The following STAT1 variants were observed in gnomAD, a reference collection of about 807,000 sequenced individuals.
STAT1 encodes the protein signal transducer and activator of transcription 1-alpha/beta.
STAT1 carries 24 observed loss-of-function variants against 111.7 expected under a neutral mutation model. The ratio of observed to expected loss-of-function variants is 0.21; its 90% CI spans 0.16 to 0.30. The LOEUF (loss-of-function observed/expected upper bound fraction) is 0.30. Among genes scored for constraint, STAT1 ranks in the 10% least tolerant of loss-of-function variants. The pLI, the probability that STAT1 is intolerant of heterozygous loss-of-function variation, is 1.00. For missense variants in STAT1, 351 were observed against 911.9 expected, an observed-to-expected ratio of 0.38 and a Z score of 7.92; for synonymous variants, 332 against 326.5, an observed-to-expected ratio of 1.02 and a Z score of -0.18.
At position 190,974,981 on chromosome 2, in the gene STAT1, A is replaced by G. The variant is rs761526800; in HGVS notation, c.2136-49T>C. ...GCAATGTCAACATCTGAGTGATGAA[A>G]GCACTAGTGCATACTTACACACTTT... On this transcript the variant is annotated intron_variant, in intron 23 of 24. Coordinates refer to ENST00000361099, the MANE Select transcript of STAT1 (RefSeq NM_007315.4). The surrounding 1 kb of genome is among the most constrained non-coding windows in gnomAD (Gnocchi z 4.8). The G allele has an allele frequency of 1.4e-5, 19 of 1,317,854 alleles. No homozygotes were observed. The East Asian group carries it at 4.4e-4, about 30-fold the overall frequency. The allele number at this position is 1,317,854 out of a possible 1,614,324, so 81.6% of individuals were successfully genotyped here.
At position 190,985,730 on chromosome 2, in the gene STAT1, G is replaced by C. The variant is rs1183652252; in HGVS notation, c.1222-70C>G. 6 of 1,498,110 alleles carry C rather than the reference G, an allele frequency of 4.0e-6. No individual in the cohort carries two copies. In the East Asian group the frequency reaches 1.4e-4, roughly 34 times the overall value. The allele number at this position is 1,498,110 out of a possible 1,614,324, so 92.8% of individuals were successfully genotyped here. On this transcript the variant is annotated intron_variant, in intron 14 of 24. Transcript: ENST00000361099. ...AAAGTTGCTATCTTCATTTACAAATGAGAACAAAGTTAGGACTAGAAAGAA... is the reference window on the plus strand; with the variant it reads ...AAAGTTGCTATCTTCATTTACAAATCAGAACAAAGTTAGGACTAGAAAGAA...
rs1185252170 is a variant in STAT1 at position 190,980,469 on chromosome 2, A to G, written c.1632+151T>C. ...CGGAGACCAACCTCCTGCACTGAAGAAAAGTAAACAACTTGCCCGAGGGGC... is the reference window on the plus strand; with the variant it reads ...CGGAGACCAACCTCCTGCACTGAAGGAAAGTAAACAACTTGCCCGAGGGGC... On this transcript the variant is annotated intron_variant, in intron 19 of 24. Coordinates refer to ENST00000361099, the MANE Select transcript of STAT1 (RefSeq NM_007315.4). The surrounding 1 kb of genome is among the most constrained non-coding windows in gnomAD (Gnocchi z 6.1). 3 of 880,418 alleles carry G rather than the reference A, an allele frequency of 3.4e-6. No homozygotes were observed. Among genetic ancestry groups the G allele is most frequent in the Non-Finnish European group, 5.6e-6 (3 of 537,782 alleles). The allele number at this position is 880,418 out of a possible 1,614,324, so 54.5% of individuals were successfully genotyped here.
Position 190,998,162 on chromosome 2 carries a change from A to C in STAT1, c.633+55T>G. On this transcript the variant is annotated intron_variant, in intron 8 of 24. Coordinates refer to ENST00000361099, the MANE Select transcript of STAT1 (RefSeq NM_007315.4). The surrounding 1 kb of genome is among the most constrained non-coding windows in gnomAD (Gnocchi z 4.1). The stretch of plus-strand genomic sequence containing the variant: ...TTCCTCTCTTCTAAACTTTGAGTCC[A>C]TTATTTACAGTGTATAACAAAAGTG... 8 of 1,575,354 alleles carry C rather than the reference A, an allele frequency of 5.1e-6. No homozygotes were observed. Among genetic ancestry groups the C allele is most frequent in the Non-Finnish European group, 7.0e-6 (8 of 1,145,578 alleles).
intron 5 of STAT1, among the ~76,000 whole-genome samples, chr2:191,001,765 A>G (rs1694286343): frequency 6.6e-6 from 1 of 152,208 alleles, no homozygotes; most frequent in Non-Finnish European, 1.5e-5. Context: ...TTTGATAATC[A>G]GAACACTCAG....
At position 191,003,293 on chromosome 2, in the gene STAT1, G is replaced by T. The variant is rs1160786145; in HGVS notation, c.373-2130C>A. Among the ~76,000 whole-genome samples, 4 of 152,286 alleles carry T rather than the reference G, an allele frequency of 2.6e-5. No individual in the cohort carries two copies. The highest frequency in any genetic ancestry group is 5.9e-5 in the Non-Finnish European group (4 of 68,018). The stretch of plus-strand genomic sequence containing the variant: ...CCACATATCACTCAGTGACAAAAGG[G>T]GTTTCTCTGGGCGGTTGGAATAAGT... On this transcript the variant is annotated intron_variant, in intron 5 of 24. Coordinates refer to ENST00000361099, the MANE Select transcript of STAT1 (RefSeq NM_007315.4). This position sits in a 1 kb window ranked among gnomAD's most constrained non-coding sequence, Gnocchi z 4.0.
At chr2:191,008,860 T>C in intron 4 of STAT1, 103 bp downstream of exon 4, 1 of 1,280,064 alleles carries the variant, frequency 7.8e-7, no homozygotes, top group Non-Finnish European at 1.1e-6. Context: ...ATTACTTCTC[T>C]AAATACCAAT....
rs1693199789 is a variant in STAT1, at chr2:190,990,097, T to C, written c.1038-423A>G. Among the ~76,000 whole-genome samples, 1 of 152,188 alleles carries C rather than the reference T, an allele frequency of 6.6e-6. No individual in the cohort carries two copies. Among genetic ancestry groups the C allele is most frequent in the Admixed American group, 6.5e-5 (1 of 15,276 alleles). On this transcript the variant is annotated intron_variant, in intron 11 of 24. Transcript: ENST00000361099. This position sits in a 1 kb window ranked among gnomAD's most constrained non-coding sequence, Gnocchi z 5.1. Reference sequence around the variant, plus strand: ...CCTGTTGGGAGACAATAAAAACTATTGCCCATAAGCAGAAAAAATAGCGTC... The same window carrying C: ...CCTGTTGGGAGACAATAAAAACTATCGCCCATAAGCAGAAAAAATAGCGTC...
chr2:191,001,008 C>T (rs1212654277), intron 6 of STAT1, 66 bp downstream of exon 6: 21 of 1,307,434 alleles, frequency 1.6e-5, no homozygotes, highest in Non-Finnish European at 2.2e-5. Context: ...ACACCCCAAG[C>T]AATTGAAACC....
In STAT1 at chr2:190,993,569, T is replaced by A. The variant is rs929224749; in HGVS notation, c.944+1492A>T. On this transcript the variant is annotated intron_variant, in intron 10 of 24. Transcript: ENST00000361099. This position sits in a 1 kb window ranked among gnomAD's most constrained non-coding sequence, Gnocchi z 4.1. ...CAATTTGGGATTCATGCTGGACATGTCACTGTAGCTGCCACCGCTGCCACG... is the reference window on the plus strand; with the variant it reads ...CAATTTGGGATTCATGCTGGACATGACACTGTAGCTGCCACCGCTGCCACG... The A allele has an allele frequency of 1.3e-5, 8 of 622,230 alleles. No homozygotes were observed. In the Admixed American group the frequency reaches 1.7e-4, roughly 13 times the overall value. 38.5% of individuals were successfully genotyped at this position (622,230 alleles called of 1,614,324 possible).
Position 191,004,944 on chromosome 2 carries a change from G to GA in STAT1, c.372+2618dup, listed in dbSNP as rs111425984. ...ATGCAACTAGCTTTTTCACCACAAA[G>GA]AAAAAAAGAAAGAAAAAAACTTAGT... On this transcript the variant is annotated intron_variant, in intron 5 of 24. Transcript: ENST00000361099. The surrounding 1 kb of genome is among the most constrained non-coding windows in gnomAD (Gnocchi z 5.0). Among the ~76,000 whole-genome samples the GA allele has an allele frequency of 2.6e-4, 39 of 150,838 alleles. 1 individual carries two copies. The highest frequency in any genetic ancestry group is 9.2e-4 in the African/African-American group (38 of 41,162).
intron 10 of STAT1, among the ~76,000 whole-genome samples, chr2:190,994,506 C>T (rs949085103): frequency 7.2e-5 from 11 of 151,940 alleles, no homozygotes; most frequent in African/African-American, 1.9e-4. Flanking sequence ...GTTAGGGTCA[C>T]GGCGGAGACT....
Position 190,971,993 on chromosome 2 carries a change from G to A in STAT1, c.2239-1276C>T, listed in dbSNP as rs1366558874. ...CTCCCAAAATGTTGAGATTACAGGC[G>A]TGAGCCACCGCGCCCGGCCTGGCTG... On this transcript the variant is annotated intron_variant, in intron 24 of 24. Coordinates refer to ENST00000361099, the MANE Select transcript of STAT1 (RefSeq NM_007315.4). This position sits in a 1 kb window ranked among gnomAD's most constrained non-coding sequence, Gnocchi z 4.1. Among the ~76,000 whole-genome samples, 3 of 152,222 alleles carry A rather than the reference G, an allele frequency of 2.0e-5. No individual in the cohort carries two copies. Among genetic ancestry groups the A allele is most frequent in the East Asian group, 1.9e-4 (1 of 5,166 alleles).
chr2:190,985,518 T>A, intron 15 of STAT1, 101 bp downstream of exon 15: 1 of 1,214,924 alleles, frequency 8.2e-7, no homozygotes, highest in Non-Finnish European at 1.2e-6. Context: ...CCCTGATGGG[T>A]CTGAACTCCT....
chr2:190,979,144 A>G lies in STAT1; in HGVS notation c.1728-143T>C. 2.6e-5 allele frequency: 29 copies of G among 1,117,002 alleles called. 2 individuals carry two copies. In the South Asian group the frequency reaches 3.9e-4, roughly 15 times the overall value. 69.2% of individuals were successfully genotyped at this position (1,117,002 alleles called of 1,614,324 possible). A position where few individuals can be genotyped will look rare whatever the true frequency, so the allele number is the denominator to read the frequency against. On this transcript the variant is annotated intron_variant, in intron 20 of 24. Coordinates refer to ENST00000361099, the MANE Select transcript of STAT1 (RefSeq NM_007315.4). This position sits in a 1 kb window ranked among gnomAD's most constrained non-coding sequence, Gnocchi z 5.8. ...ACGTAGACTATTTTAAAATCTGTTC[A>G]GTTGACACTTAAGGAAGCATTTCAC...
In STAT1 at chr2:190,978,819, T is replaced by C. The variant is rs764915115; in HGVS notation, c.1873+37A>G. The C allele has an allele frequency of 1.2e-5, 19 of 1,610,832 alleles. No individual in the cohort carries two copies. The highest frequency in any genetic ancestry group is 1.5e-5 in the Non-Finnish European group (18 of 1,178,916). ...GCGATGAAGAGGGACTTCACACACA[T>C]GGAATGGTGGGACTATGTGCTCAAA... On this transcript the variant is annotated intron_variant, in intron 21 of 24. Coordinates refer to ENST00000361099, the MANE Select transcript of STAT1 (RefSeq NM_007315.4). This position sits in a 1 kb window ranked among gnomAD's most constrained non-coding sequence, Gnocchi z 6.1.
rs1052247439 is a variant in STAT1 at position 190,978,450 on chromosome 2, G to A, written c.1873+406C>T. On this transcript the variant is annotated intron_variant, in intron 21 of 24. Transcript: ENST00000361099. The surrounding 1 kb of genome is among the most constrained non-coding windows in gnomAD (Gnocchi z 6.1). ...GCATCAACTCCCTGGCTGATGATGT[G>A]TATGAAGTCTTCTCCCGAAGCCTGT... is the stretch of plus-strand genomic sequence containing the variant. 51 of 294,582 alleles carry A rather than the reference G, an allele frequency of 1.7e-4. No individual in the cohort carries two copies. The highest frequency in any genetic ancestry group is 4.0e-4 in the South Asian group (12 of 30,292). The allele number at this position is 294,582 out of a possible 1,614,324, so 18.2% of individuals were successfully genotyped here. A position where few individuals can be genotyped will look rare whatever the true frequency, so the allele number is the denominator to read the frequency against.
chr2:190,975,107 A>G lies in STAT1; in HGVS notation c.2136-175T>C, dbSNP rs1443051621. On this transcript the variant is annotated intron_variant, in intron 23 of 24. Coordinates refer to ENST00000361099, the MANE Select transcript of STAT1 (RefSeq NM_007315.4). This position sits in a 1 kb window ranked among gnomAD's most constrained non-coding sequence, Gnocchi z 5.9. ...CAAAAGTACAGCTCATGGGAGGCTC[A>G]TGTCCCCAGCCCAGCCCCTTGGGAA... Among the ~76,000 whole-genome samples, 1 of 152,238 alleles carries G rather than the reference A, an allele frequency of 6.6e-6. No homozygotes were observed. The highest frequency in any genetic ancestry group is 1.5e-5 in the Non-Finnish European group (1 of 68,042).
At position 191,009,887 on chromosome 2, in the gene STAT1, T is replaced by C; in HGVS notation, c.117A>G (p.Glu39=). The change falls in exon 3 of 25, where the codon GAA becomes GAG. Residue 39 remains glutamate (E), a synonymous_variant. Coordinates refer to ENST00000361099, the MANE Select transcript of STAT1 (RefSeq NM_007315.4). ...EIRQYLAQWL[E]KQDWEHAAND... ...TGAATTTTCCTTACCAGTCTTGCTT[T>C]TCTAACCACTGTGCCAGGTACTGTC... 1.2e-6 allele frequency: 2 copies of C among 1,613,996 alleles called. No homozygotes were observed. The highest frequency in any genetic ancestry group is 1.7e-6 in the Non-Finnish European group (2 of 1,179,880).
rs561482532 is a variant in STAT1, at chr2:190,999,372, G to A, written c.541+254C>T. On this transcript the variant is annotated intron_variant, in intron 7 of 24. Coordinates refer to ENST00000361099, the MANE Select transcript of STAT1 (RefSeq NM_007315.4). The surrounding 1 kb of genome is among the most constrained non-coding windows in gnomAD (Gnocchi z 4.1). ...GGTTGTCACTAGTGAGGGCTCCTGGGTAGTGCTACTGGCATCTGGTGGGTA... is the reference window on the plus strand; with the variant it reads ...GGTTGTCACTAGTGAGGGCTCCTGGATAGTGCTACTGGCATCTGGTGGGTA... Among the ~76,000 whole-genome samples the A allele has an allele frequency of 6.6e-6, 1 of 152,246 alleles. No individual in the cohort carries two copies. Among genetic ancestry groups the A allele is most frequent in the African/African-American group, 2.4e-5 (1 of 41,536 alleles).
Sources: allele counts gnomAD v4.1 joint callset (sites outside exome capture counted in the v4.1 genomes callset), GRCh38; gene constraint gnomAD v4.1.1; non-coding constraint Gnocchi (gnomAD v3.1); transcripts MANE v1.5; gene names NCBI Gene and HGNC (gene_info 2026-07-23, HGNC 2026-07-21).